FNTB: variants seen among roughly 807,000 people sequenced by gnomAD.
FNTB encodes the protein protein farnesyltransferase subunit beta.
Under a neutral mutation model 59.4 loss-of-function variants are expected in FNTB, and 27 were observed. The ratio of observed to expected loss-of-function variants is 0.45; its 90% CI spans 0.34 to 0.63. The LOEUF is 0.63. Among genes scored for constraint, FNTB ranks in the 20% least tolerant of loss-of-function variants. The probability of loss-of-function intolerance (pLI) is 0.02; values close to 1 mark genes in which losing one functional copy is unlikely to be tolerated. For missense variants in FNTB, 449 were observed against 559.6 expected (o/e 0.80, Z 1.99); for synonymous variants, 230 against 220.7 (o/e 1.04, Z -0.37).
rs567020340 is a variant in FNTB, at chr14:65,024,176, A to G, written c.375-3277A>G. 9.4e-4 allele frequency among the ~76,000 whole-genome samples: 143 copies of G among 152,144 alleles called. 1 individual carries two copies. Among genetic ancestry groups the G allele is most frequent in the Non-Finnish European group, 1.7e-3 (113 of 67,994 alleles). ...TTAGAGCTGCAGTTTAGCAAGATCCACAGGTAATTTCTATGCAACTCAAGT... is the reference window on the plus strand; with the variant it reads ...TTAGAGCTGCAGTTTAGCAAGATCCGCAGGTAATTTCTATGCAACTCAAGT... On this transcript the variant is annotated intron_variant, in intron 4 of 11. Coordinates refer to ENST00000246166, the MANE Select transcript of FNTB (RefSeq NM_002028.4).
chr14:65,040,738 G>T (rs374804342), intron 7 of FNTB, 52 bp from the exon 8 acceptor site: 26 of 1,575,016 alleles, frequency 1.7e-5, no homozygotes, highest in Non-Finnish European at 2.2e-5. Flanking sequence ...TCCTGGTCTT[G>T]TGTACGTCCA....
At position 65,027,365 on chromosome 14, in the gene FNTB, AT is replaced by A. The variant is rs2062002315; in HGVS notation, c.375-86del. The stretch of plus-strand genomic sequence containing the variant: ...TCAACTTTTGAGGGAGTGGGGGATC[AT>A]TGGAAAGGCCTGGAATCTAGTGGGA... On this transcript the variant is annotated intron_variant, in intron 4 of 11. Coordinates refer to ENST00000246166, the MANE Select transcript of FNTB (RefSeq NM_002028.4). The surrounding 1 kb of genome is among the most constrained non-coding windows in gnomAD (Gnocchi z 5.7). 5 of 1,565,682 alleles carry A rather than the reference AT, an allele frequency of 3.2e-6. No homozygotes were observed. The highest frequency in any genetic ancestry group is 4.3e-6 in the Non-Finnish European group (5 of 1,155,956).
chr14:65,021,026 G>A (rs2061877053), intron 4 of FNTB, among the ~76,000 whole-genome samples: 1 of 152,140 alleles, frequency 6.6e-6, no homozygotes, highest in Non-Finnish European at 1.5e-5. Context: ...CACCGCACCC[G>A]GCCTAGCTTC....
At chr14:65,055,547 C>CA (rs1485063373) in intron 11 of FNTB, among the ~76,000 whole-genome samples, 1 of 151,640 alleles carries the variant, frequency 6.6e-6, no homozygotes, top group Non-Finnish European at 1.5e-5. Flanking sequence ...GACAAAGTCT[C>CA]ACTCTGTCAC....
intron 11 of FNTB, among the ~76,000 whole-genome samples, chr14:65,060,697 C>CAAAAAAAAAAAAAAAAAAA (rs59036615): frequency 2.1e-5 from 1 of 48,632 alleles, no homozygotes; most frequent in Non-Finnish European, 3.2e-5. Context: ...GACTCCGTCT[C>CAAAAAAAAAAAAAAAAAAA]AAAAAAAAAA....
In FNTB at chr14:65,012,360, G is replaced by T; in HGVS notation, c.253G>T (p.Gly85Cys). Reference sequence around the variant, plus strand: ...GAAGCACTTCCATTATCTGAAAAGAGGCCTTCGACAACTGACAGATGCCTA... The same window carrying T: ...GAAGCACTTCCATTATCTGAAAAGATGCCTTCGACAACTGACAGATGCCTA... ...REKHFHYLKR[G>C]LRQLTDAYEC... The change falls in exon 3 of 12, where the codon GGC (glycine) becomes TGC (cysteine). Residue 85 changes from glycine to cysteine, a missense_variant. Gly to Cys is a radical substitution (Grantham distance 159, BLOSUM62 -3). Around this residue, in one of 2 missense-constraint regions of FNTB, gnomAD observed 337 missense variants for 479.1 expected, o/e 0.70. Coordinates refer to ENST00000246166, the MANE Select transcript of FNTB (RefSeq NM_002028.4). This position sits in a 1 kb window ranked among gnomAD's most constrained non-coding sequence, Gnocchi z 5.0. 6.2e-7 allele frequency: 1 copy of T among 1,614,182 alleles called. No homozygotes were observed.
chr14:65,005,515 C>CTT (rs1566865123), intron 2 of FNTB, among the ~76,000 whole-genome samples: 38 of 92,690 alleles, frequency 4.1e-4, no homozygotes, highest in South Asian at 1.1e-3. Flanking sequence ...CTTTCTTTCT[C>CTT]TCTCTCTTTC....
At chr14:65,039,835 A>T (rs1202186735) in intron 7 of FNTB, among the ~76,000 whole-genome samples, 1 of 152,228 alleles carries the variant, frequency 6.6e-6, no homozygotes, top group Non-Finnish European at 1.5e-5. Context: ...TTCATTATAA[A>T]AACTTTTTGA....
At chr14:64,992,303 A>T (rs564360869) in intron 1 of FNTB, among the ~76,000 whole-genome samples, 1 of 152,256 alleles carries the variant, frequency 6.6e-6, no homozygotes. Context: ...TAGGTATATA[A>T]GTGAAAAATA....
rs942642348 is a variant in FNTB at position 65,007,453 on chromosome 14, G to T, written c.209+3140G>T. 6.6e-6 allele frequency among the ~76,000 whole-genome samples: 1 copy of T among 152,216 alleles called. No individual in the cohort carries two copies. Among genetic ancestry groups the T allele is most frequent in the African/African-American group, 2.4e-5 (1 of 41,456 alleles). On this transcript the variant is annotated intron_variant, in intron 2 of 11. Transcript: ENST00000246166. The surrounding 1 kb of genome is among the most constrained non-coding windows in gnomAD (Gnocchi z 4.9). ...ACCACGCACAGGTCCAGGGATGCCT[G>T]TGATGATGCTGAAGTAGGCATTTGC...
rs1336799955 is a variant in FNTB at position 65,027,310 on chromosome 14, A to G, written c.375-143A>G. 4 of 1,291,358 alleles carry G rather than the reference A, an allele frequency of 3.1e-6. No homozygotes were observed. The highest frequency in any genetic ancestry group is 4.3e-6 in the Non-Finnish European group (4 of 933,886). The allele number at this position is 1,291,358 out of a possible 1,614,324, so 80.0% of individuals were successfully genotyped here. On this transcript the variant is annotated intron_variant, in intron 4 of 11. Coordinates refer to ENST00000246166, the MANE Select transcript of FNTB (RefSeq NM_002028.4). This position sits in a 1 kb window ranked among gnomAD's most constrained non-coding sequence, Gnocchi z 5.7. ...GAATTAAGCCCTTTGGGGAGAGGTT[A>G]TATTCAACAAGTGGGAGGAGAGGTT...
At position 64,994,952 on chromosome 14, in the gene FNTB, G is replaced by C. The variant is rs1374770929; in HGVS notation, c.144+7855G>C. On this transcript the variant is annotated intron_variant, in intron 1 of 11. Transcript: ENST00000246166. The surrounding 1 kb of genome is among the most constrained non-coding windows in gnomAD (Gnocchi z 4.2). ...TTAAAAAATTTTTTTACAGCTTTTT[G>C]ACCCTTTTGTAATAACAGTTTAAAA... Among the ~76,000 whole-genome samples the C allele has an allele frequency of 6.6e-6, 1 of 151,894 alleles. No homozygotes were observed. Among genetic ancestry groups the C allele is most frequent in the Non-Finnish European group, 1.5e-5 (1 of 67,978 alleles).
At position 64,987,036 on chromosome 14, in the gene FNTB, C is replaced by A; in HGVS notation, c.83C>A (p.Pro28His). The change falls in exon 1 of 12, where the codon CCC becomes CAC. Residue 28 changes from proline to histidine, a missense_variant. Physicochemically the swap from Pro to His is moderately conservative, Grantham distance 77. Coordinates refer to ENST00000246166, the MANE Select transcript of FNTB (RefSeq NM_002028.4). ...TCAGAGCCGCTGTACAGTCTGAGGC[C>A]CGAGCACGCGCGAGAGCGGTTGCAG... ...VWSEPLYSLR[P>H]EHARERLQDD... The A allele has an allele frequency of 1.9e-6, 3 of 1,614,232 alleles. No homozygotes were observed. Among genetic ancestry groups the A allele is most frequent in the Non-Finnish European group, 2.5e-6 (3 of 1,180,044 alleles).
At chr14:65,015,770 T>C in intron 4 of FNTB, 54 bp downstream of exon 4, 1 of 1,584,276 alleles carries the variant, frequency 6.3e-7, no homozygotes, top group Non-Finnish European at 8.6e-7. Flanking sequence ...ATTTTGAGTT[T>C]GGGATTTTGT....
rs1160418210 is a variant in FNTB, at chr14:65,028,952, T to C, written c.605+1171T>C. On this transcript the variant is annotated intron_variant, in intron 6 of 11. Transcript: ENST00000246166. This position sits in a 1 kb window ranked among gnomAD's most constrained non-coding sequence, Gnocchi z 4.4. ...GCAAACAAATCATAGCAAGATCCTTTTGGTATTTTATCATATACCTTTTGC... is the reference window on the plus strand; with the variant it reads ...GCAAACAAATCATAGCAAGATCCTTCTGGTATTTTATCATATACCTTTTGC... 6.6e-6 allele frequency among the ~76,000 whole-genome samples: 1 copy of C among 152,242 alleles called. No individual in the cohort carries two copies.
intron 1 of FNTB, among the ~76,000 whole-genome samples, 159 bp from the exon 2 acceptor site, chr14:65,004,090 A>G (rs1232455142): frequency 6.6e-6 from 1 of 152,170 alleles, no homozygotes; most frequent in African/African-American, 2.4e-5. Flanking sequence ...GCCTTGTCCT[A>G]AGCCTGTCAT....
chr14:65,022,815 C>T (rs1276522220), intron 4 of FNTB, among the ~76,000 whole-genome samples: 1 of 152,174 alleles, frequency 6.6e-6, no homozygotes, highest in Non-Finnish European at 1.5e-5. Flanking sequence ...TTGTTCTTCA[C>T]AACTCGTGGA....
intron 7 of FNTB, among the ~76,000 whole-genome samples, chr14:65,040,033 A>C (rs985132027): frequency 3.9e-5 from 6 of 152,134 alleles, no homozygotes; most frequent in African/African-American, 1.4e-4. Flanking sequence ...TACAAAAAAT[A>C]CAAAAAATGG....
rs1412449036 is a variant in FNTB at position 65,053,500 on chromosome 14, T to C, written c.1067+151T>C. On this transcript the variant is annotated intron_variant, in intron 10 of 11. Transcript: ENST00000246166. Reference sequence around the variant, plus strand: ...AGGTTGTATGGGAAAAAGCACCCAGTTGGGAGCACCCCTTGAGGCCATTGA... The same window carrying C: ...AGGTTGTATGGGAAAAAGCACCCAGCTGGGAGCACCCCTTGAGGCCATTGA... The C allele has an allele frequency of 4.8e-6, 3 of 626,654 alleles. No homozygotes were observed. The African/African-American group carries it at 5.7e-5, about 12-fold the overall frequency. 38.8% of individuals were successfully genotyped at this position (626,654 alleles called of 1,614,324 possible).
Sources: allele counts gnomAD v4.1 joint callset (sites outside exome capture counted in the v4.1 genomes callset), GRCh38; gene constraint gnomAD v4.1.1; regional missense constraint gnomAD v4.1.1; non-coding constraint Gnocchi (gnomAD v3.1); transcripts MANE v1.5; gene names NCBI Gene and HGNC (gene_info 2026-07-23, HGNC 2026-07-21).